The following ADGRV1 variants were observed in gnomAD, a reference collection of about 807,000 sequenced individuals.
ADGRV1 encodes adhesion G protein-coupled receptor V1.
ADGRV1 carries 359 observed loss-of-function variants against 596.2 expected under a neutral mutation model. The ratio of observed to expected loss-of-function variants is 0.60; its 90% CI spans 0.55 to 0.66. ADGRV1 has a LOEUF of 0.66. Ranked by LOEUF, ADGRV1 falls within the 30% of genes least tolerant of loss-of-function variation. ADGRV1 has a pLI of 0.00. For synonymous variants in ADGRV1, 2,681 were observed against 2,679.2 expected, an observed-to-expected ratio of 1.00 and a Z score of -0.02; for missense variants, 7,274 against 7,575.6, an observed-to-expected ratio of 0.96 and a Z score of 1.48.
chr5:90,679,714 C>T, intron 26 of ADGRV1, 85 bp downstream of exon 26: 1 of 823,246 alleles, frequency 1.2e-6, no homozygotes. Flanking sequence ...CACTTATTGA[C>T]ACCTACTATG....
rs977975105 is a variant in ADGRV1 at position 90,705,688 on chromosome 5, A to G, written c.8566+109A>G. 1.8e-5 allele frequency: 14 copies of G among 796,770 alleles called. No individual in the cohort carries two copies. In the African/African-American group the frequency reaches 2.4e-4, roughly 14 times the overall value. 49.4% of individuals were successfully genotyped at this position (796,770 alleles called of 1,614,324 possible). A position where few individuals can be genotyped will look rare whatever the true frequency, so the allele number is the denominator to read the frequency against. ...ATAAATCGGGGACAGGAGAAAATTA[A>G]TATTTCTTCATTCAGGACAGAACTT... is the stretch of plus-strand genomic sequence containing the variant. On this transcript the variant is annotated intron_variant, in intron 37 of 89. Transcript: ENST00000405460.
At position 91,039,128 on chromosome 5, in the gene ADGRV1, G is replaced by A. The variant is rs1581866482; in HGVS notation, c.18153-33319G>A. Reference sequence around the variant, plus strand: ...CCTTAGGATTAAGAAACTACTGAAAGCATTTCCTTGGAGTATTTAAAACGC... The same window carrying A: ...CCTTAGGATTAAGAAACTACTGAAAACATTTCCTTGGAGTATTTAAAACGC... On this transcript the variant is annotated intron_variant, in intron 85 of 89. Transcript: ENST00000405460. Among the ~76,000 whole-genome samples the A allele has an allele frequency of 2.6e-5, 4 of 152,250 alleles. No individual in the cohort carries two copies. The Middle Eastern group carries it at 0.01, about 388-fold the overall frequency.
At chr5:90,706,130 A>G (rs1412128040) in intron 37 of ADGRV1, 101 bp from the exon 38 acceptor site, 2 of 898,410 alleles carry the variant, frequency 2.2e-6, no homozygotes, top group Admixed American at 5.5e-5. Context: ...CAATAATACT[A>G]GCTACTAAAG....
chr5:90,828,901 A>T (rs768619217), intron 76 of ADGRV1, 43 bp from the exon 77 acceptor site: 1 of 1,356,386 alleles, frequency 7.4e-7, no homozygotes. Flanking sequence ...AGATAGAAAT[A>T]TATTAGTAAT....
chr5:90,669,205 C>T (rs563081269), intron 21 of ADGRV1, among the ~76,000 whole-genome samples: 14 of 152,304 alleles, frequency 9.2e-5, no homozygotes, highest in South Asian at 4.2e-4. Flanking sequence ...ATGTACCATT[C>T]GGCTAGCATG....
intron 89 of ADGRV1, among the ~76,000 whole-genome samples, chr5:91,155,355 T>A (rs1477343865): frequency 1.3e-5 from 2 of 152,092 alleles, no homozygotes; most frequent in African/African-American, 2.4e-5. Context: ...TGTGGCCTGT[T>A]TTAGAACCAG....
intron 19 of ADGRV1, 34 bp from the exon 20 acceptor site, chr5:90,653,175 T>A: frequency 2.0e-6 from 3 of 1,530,772 alleles, no homozygotes; most frequent in Non-Finnish European, 2.6e-6. Context: ...TACTTGAAAT[T>A]CTAGTTTCTC....
chr5:91,011,336 A>G (rs1423603595), intron 85 of ADGRV1, among the ~76,000 whole-genome samples: 4 of 151,950 alleles, frequency 2.6e-5, no homozygotes, highest in African/African-American at 7.2e-5. Context: ...TTTTATAGTC[A>G]AGAACATATT....
chr5:91,021,895 A>G (rs959963684), intron 85 of ADGRV1, among the ~76,000 whole-genome samples: 4 of 152,120 alleles, frequency 2.6e-5, no homozygotes, highest in Non-Finnish European at 1.5e-5. Context: ...TCCTGTGAGC[A>G]AAGATATACA....
intron 21 of ADGRV1, among the ~76,000 whole-genome samples, chr5:90,666,398 T>G (rs1425493064): frequency 1.3e-5 from 2 of 152,130 alleles, no homozygotes; most frequent in African/African-American, 4.8e-5. Context: ...TGATCTTTGT[T>G]GGTTTAAAGT....
intron 84 of ADGRV1, among the ~76,000 whole-genome samples, chr5:90,978,037 C>A (rs982379374): frequency 3.3e-5 from 5 of 152,056 alleles, no homozygotes; most frequent in African/African-American, 1.2e-4. Context: ...TAGCTCAAGC[C>A]TGTAATCCAA....
chr5:90,826,766 T>C (rs1304613607), intron 76 of ADGRV1, among the ~76,000 whole-genome samples: 1 of 152,174 alleles, frequency 6.6e-6, no homozygotes, highest in Non-Finnish European at 1.5e-5. Context: ...TTAATGGCAG[T>C]GTCCCTCACC....
At chr5:90,946,515 G>A (rs148290276) in intron 83 of ADGRV1, among the ~76,000 whole-genome samples, 2,579 of 152,124 alleles carry the variant, frequency 0.017, 70 homozygotes, top group African/African-American at 0.058. Context: ...TGTTACGTAG[G>A]TAAACGTGTG....
intron 85 of ADGRV1, among the ~76,000 whole-genome samples, chr5:91,020,341 T>C (rs562234248): frequency 6.6e-6 from 1 of 152,160 alleles, no homozygotes; most frequent in Non-Finnish European, 1.5e-5. Context: ...CTATATTATT[T>C]AATCAGCTGA....
In ADGRV1 at chr5:90,679,531, C is replaced by T. The variant is rs1744666147; in HGVS notation, c.5444-18C>T. ...AATGTGTGTTGTGTGGGTTGTGTCTCTGTGTCTCCTTGTGAAGTAGCTGAA... is the reference window on the plus strand; with the variant it reads ...AATGTGTGTTGTGTGGGTTGTGTCTTTGTGTCTCCTTGTGAAGTAGCTGAA... On this transcript the variant is annotated intron_variant, in intron 25 of 89. Coordinates refer to ENST00000405460, the MANE Select transcript of ADGRV1 (RefSeq NM_032119.4). 1 of 1,595,812 alleles carries T rather than the reference C, an allele frequency of 6.3e-7. No homozygotes were observed.
At chr5:90,884,647 T>C (rs1187066966) in intron 83 of ADGRV1, among the ~76,000 whole-genome samples, 1 of 152,204 alleles carries the variant, frequency 6.6e-6, no homozygotes, top group Non-Finnish European at 1.5e-5. Context: ...CTCTTCCTTA[T>C]GTGCTTTGTG....
rs187784730 is a variant in ADGRV1, at chr5:90,794,747, G to A, written c.14517+3401G>A. On this transcript the variant is annotated intron_variant, in intron 70 of 89. Transcript: ENST00000405460. Reference sequence around the variant, plus strand: ...AGCTCCCAGTGAGATCGACGCAGAAGGCAGGTGATTTCTGCATTTCCAACT... The same window carrying A: ...AGCTCCCAGTGAGATCGACGCAGAAAGCAGGTGATTTCTGCATTTCCAACT... Among the ~76,000 whole-genome samples, 67 of 152,302 alleles carry A rather than the reference G, an allele frequency of 4.4e-4. No homozygotes were observed. The East Asian group carries it at 0.013, about 29-fold the overall frequency.
chr5:90,754,275 A>C (rs1049032547), intron 54 of ADGRV1, among the ~76,000 whole-genome samples: 1 of 152,122 alleles, frequency 6.6e-6, no homozygotes. Flanking sequence ...TATCCTGTGA[A>C]GTGTACAGTG....
At chr5:91,112,654 A>G (rs76394730) in intron 87 of ADGRV1, among the ~76,000 whole-genome samples, 9,509 of 152,192 alleles carry the variant, frequency 0.062, 410 homozygotes, top group East Asian at 0.15. Flanking sequence ...TCTCTCTCAT[A>G]TTACTCAAAT....
Sources: gnomAD v4.1 joint callset for allele counts (sites outside exome capture counted in the v4.1 genomes callset) on GRCh38, gnomAD v4.1.1 for gene constraint, MANE v1.5 for transcripts, NCBI Gene and HGNC (gene_info 2026-07-23, HGNC 2026-07-21) for gene names.